PTPRF: variants seen among roughly 807,000 people sequenced by gnomAD.
The protein encoded by PTPRF is receptor-type tyrosine-protein phosphatase F.
In PTPRF, 59 loss-of-function variants were observed where a neutral mutation model predicts 201.8. That is an observed-to-expected ratio of 0.29 (90% CI 0.24 to 0.36). The LOEUF (loss-of-function observed/expected upper bound fraction) is 0.36. PTPRF is among the 10% of genes least tolerant of loss of function. The pLI, the probability that PTPRF is intolerant of heterozygous loss-of-function variation, is 1.00. For missense variants in PTPRF, 2,132 were observed against 2,690.5 expected (o/e 0.79, Z 4.59); for synonymous variants, 1,088 against 1,089.7 (o/e 1.00, Z 0.03).
chr1:43,577,430 C>T (rs964906655), intron 6 of PTPRF, among the ~76,000 whole-genome samples: 12 of 152,186 alleles, frequency 7.9e-5, no homozygotes, highest in African/African-American at 2.9e-4. Flanking sequence ...GCAGGCTGGT[C>T]CTGTGTCCTG....
rs1651142349 is a variant in PTPRF at position 43,592,661 on chromosome 1, G to A, written c.1813+60G>A. ...TGGGCTGGGACACACACACACACAT[G>A]CACACACATCCTTCCCCCTCGACCA... On this transcript the variant is annotated intron_variant, in intron 11 of 33. Coordinates refer to ENST00000359947, the MANE Select transcript of PTPRF (RefSeq NM_002840.5). 9 of 1,456,432 alleles carry A rather than the reference G, an allele frequency of 6.2e-6. No individual in the cohort carries two copies. In the African/African-American group the frequency reaches 1.3e-4, roughly 21 times the overall value. The allele number at this position is 1,456,432 out of a possible 1,614,324, so 90.2% of individuals were successfully genotyped here. A position where few individuals can be genotyped will look rare whatever the true frequency, so the allele number is the denominator to read the frequency against.
chr1:43,553,821 G>T lies in PTPRF; in HGVS notation c.259G>T (p.Ala87Ser). 3.7e-6 allele frequency: 6 copies of T among 1,614,188 alleles called. No individual in the cohort carries two copies. Among genetic ancestry groups the T allele is most frequent in the South Asian group, 1.1e-5 (1 of 91,070 alleles). The part of the protein sequence containing the change: ...RFEVIEFDDG[A>S]GSVLRIQPLR... ...ACAGGTCATTGAGTTTGATGATGGG[G>T]CAGGGTCAGTGCTTCGGATCCAGCC... Residue 87 changes from alanine to serine, a missense_variant, in exon 5 of 34, where the codon GCA (alanine) becomes TCA (serine). Ala to Ser is a moderately conservative substitution (Grantham distance 99, BLOSUM62 1). This residue lies in a region of PTPRF where 297 missense variants were observed against 454.0 expected (regional missense o/e 0.65). Transcript: ENST00000359947. The surrounding 1 kb of genome is among the most constrained non-coding windows in gnomAD (Gnocchi z 4.1).
intron 23 of PTPRF, among the ~76,000 whole-genome samples, chr1:43,616,635 G>A (rs144554373): frequency 1.3e-5 from 2 of 152,168 alleles, no homozygotes; most frequent in South Asian, 2.1e-4. Context: ...TGGCACTGAG[G>A]GGTGAGGGTG....
chr1:43,551,233 A>G (rs1203801898), intron 3 of PTPRF, among the ~76,000 whole-genome samples: 1 of 149,942 alleles, frequency 6.7e-6, no homozygotes, highest in South Asian at 2.1e-4. Context: ...CAGGTGGAGA[A>G]CCCTGAGCTG....
chr1:43,535,483 G>A (rs190752895), intron 1 of PTPRF, among the ~76,000 whole-genome samples: 1 of 152,226 alleles, frequency 6.6e-6, no homozygotes, highest in Admixed American at 6.5e-5. Flanking sequence ...GAGAACTCTG[G>A]TTTTAGCTCC....
At chr1:43,533,163 G>A (rs1030281506) in intron 1 of PTPRF, among the ~76,000 whole-genome samples, 2 of 151,850 alleles carry the variant, frequency 1.3e-5, no homozygotes, top group Non-Finnish European at 2.9e-5. Context: ...CAAGAAAATT[G>A]TTTTAACATA....
At position 43,591,187 on chromosome 1, in the gene PTPRF, G is replaced by A; in HGVS notation, c.1165G>A (p.Val389Met). ...CCCTTTCTCGGAATATGCCTTCCGC[G>A]TGCTGGCGGTGAACAGCATCGGGCG... Reference protein sequence around the residue: ...LSPFSEYAFRVLAVNSIGRGP... With the variant: ...LSPFSEYAFRMLAVNSIGRGP... The change falls in exon 9 of 34, where the codon GTG (valine) becomes ATG (methionine). Residue 389 changes from valine (V) to methionine (M), a missense_variant. By Grantham distance (21) the Val-to-Met change is conservative. This residue lies in a region of PTPRF where 351 missense variants were observed against 401.7 expected (regional missense o/e 0.87). Coordinates refer to ENST00000359947, the MANE Select transcript of PTPRF (RefSeq NM_002840.5). The A allele has an allele frequency of 1.2e-6, 2 of 1,610,902 alleles. No homozygotes were observed. Among genetic ancestry groups the A allele is most frequent in the Non-Finnish European group, 1.7e-6 (2 of 1,178,696 alleles).
upstream of PTPRF, among the ~76,000 whole-genome samples, chr1:43,526,670 T>A (rs1269001471): frequency 2.0e-5 from 3 of 152,080 alleles, no homozygotes; most frequent in Non-Finnish European, 1.5e-5. Context: ...CAGAAGAAAG[T>A]GGCTGCATGC....
At position 43,603,290 on chromosome 1, in the gene PTPRF, AC is replaced by A; in HGVS notation, c.2341-124del. 1 of 812,432 alleles carries A rather than the reference AC, an allele frequency of 1.2e-6. No individual in the cohort carries two copies. Among genetic ancestry groups the A allele is most frequent in the Non-Finnish European group, 2.1e-6 (1 of 485,328 alleles). 50.3% of individuals were successfully genotyped at this position (812,432 alleles called of 1,614,324 possible). On this transcript the variant is annotated intron_variant, in intron 14 of 33. Transcript: ENST00000359947. The surrounding 1 kb of genome is among the most constrained non-coding windows in gnomAD (Gnocchi z 5.8). The stretch of plus-strand genomic sequence containing the variant: ...GCAGAGGCCACCATTGTATAGCCCC[AC>A]CTTCCACAACCCCTGGCCTTGTGTG...
chr1:43,586,250 G>A (rs1016829873), intron 7 of PTPRF, among the ~76,000 whole-genome samples: 3 of 152,228 alleles, frequency 2.0e-5, no homozygotes, highest in Non-Finnish European at 4.4e-5. Flanking sequence ...CGAGAGGACA[G>A]GAGAGATTTA....
chr1:43,529,375 C>A (rs1415494402), upstream of PTPRF, among the ~76,000 whole-genome samples: 1 of 152,202 alleles, frequency 6.6e-6, no homozygotes, highest in Non-Finnish European at 1.5e-5. Context: ...TTACCAGAAC[C>A]TGATTCCTCA....
In PTPRF at chr1:43,602,914, G is replaced by A. The variant is rs565002308; in HGVS notation, c.2341-502G>A. Among the ~76,000 whole-genome samples, 5 of 152,300 alleles carry A rather than the reference G, an allele frequency of 3.3e-5. No individual in the cohort carries two copies. In the East Asian group the frequency reaches 7.7e-4, roughly 24 times the overall value. On this transcript the variant is annotated intron_variant, in intron 14 of 33. Transcript: ENST00000359947. Reference sequence around the variant, plus strand: ...CACAGAGTTAGTGGCCTATATGGGGGCAGCGGAGTCCTGACTGGGTCCTAT... The same window carrying A: ...CACAGAGTTAGTGGCCTATATGGGGACAGCGGAGTCCTGACTGGGTCCTAT...
chr1:43,541,582 A>G (rs1644365762), intron 2 of PTPRF, among the ~76,000 whole-genome samples: 1 of 152,224 alleles, frequency 6.6e-6, no homozygotes, highest in Non-Finnish European at 1.5e-5. Context: ...GGGGTTGGCA[A>G]TTTTTTATTT....
chr1:43,530,501 G>A (rs1643340614), upstream of PTPRF, among the ~76,000 whole-genome samples: 1 of 152,112 alleles, frequency 6.6e-6, no homozygotes, highest in Admixed American at 6.5e-5. The surrounding 1 kb of genome is among the most constrained non-coding windows in gnomAD (Gnocchi z 4.1). Context: ...GTGCTAATTT[G>A]GGGGCAGATT....
chr1:43,522,747 TG>T, upstream of PTPRF, among the ~76,000 whole-genome samples: 1 of 152,008 alleles, frequency 6.6e-6, no homozygotes, highest in Non-Finnish European at 1.5e-5. Context: ...AAATGCAGTA[TG>T]TTTGAGGAAT....
intron 5 of PTPRF, among the ~76,000 whole-genome samples, chr1:43,563,622 A>G (rs1251750740): frequency 6.6e-6 from 1 of 152,076 alleles, no homozygotes; most frequent in South Asian, 2.1e-4. Flanking sequence ...AAGGAGGAGG[A>G]GTGGTCAGCA....
In PTPRF at chr1:43,604,018, C is replaced by T; in HGVS notation, c.2866C>T (p.Arg956Ter). The part of the protein sequence containing the change: ...GRIISYTVVF[R>*]DINSQQELQN... ...CATCATCAGCTACACCGTGGTGTTC[C>T]GAGACATCAACAGCCAACAGGAGCT... The change falls in exon 16 of 34, where the codon CGA (arginine) becomes TGA (stop). Residue 956 changes from arginine (R) to a stop codon, truncating the protein, a stop_gained. Coordinates refer to ENST00000359947, the MANE Select transcript of PTPRF (RefSeq NM_002840.5). LOFTEE classifies it high-confidence loss of function. 6.2e-7 allele frequency: 1 copy of T among 1,614,216 alleles called. No individual in the cohort carries two copies. The highest frequency in any genetic ancestry group is 8.5e-7 in the Non-Finnish European group (1 of 1,180,048).
intron 5 of PTPRF, among the ~76,000 whole-genome samples, chr1:43,561,396 G>A (rs1557714100): frequency 1.3e-5 from 2 of 152,172 alleles, no homozygotes; most frequent in Non-Finnish European, 2.9e-5. Context: ...TTGATGGCTG[G>A]GGAGTTGGGT....
chr1:43,545,104 C>G lies in PTPRF; in HGVS notation c.29C>G (p.Thr10Arg), dbSNP rs376974470. The G allele has an allele frequency of 6.9e-6, 11 of 1,586,884 alleles. No individual in the cohort carries two copies. In the African/African-American group the frequency reaches 1.2e-4, roughly 17 times the overall value. ...GCCCCTGAGCCAGCCCCAGGGAGGA[C>G]GATGGTGCCCCTTGTGCCTGCACTG... MAPEPAPGR[T>R]MVPLVPALVM... The change falls in exon 3 of 34, where the codon ACG becomes AGG. Residue 10 changes from threonine (T) to arginine (R), a missense_variant. By Grantham distance (71) the Thr-to-Arg change is moderately conservative. This residue lies in a region of PTPRF where 297 missense variants were observed against 454.0 expected (regional missense o/e 0.65). Coordinates refer to ENST00000359947, the MANE Select transcript of PTPRF (RefSeq NM_002840.5).
Sources: allele counts gnomAD v4.1 joint callset (sites outside exome capture counted in the v4.1 genomes callset), GRCh38; gene constraint gnomAD v4.1.1; regional missense constraint gnomAD v4.1.1; non-coding constraint Gnocchi (gnomAD v3.1); transcripts MANE v1.5; gene names NCBI Gene and HGNC (gene_info 2026-07-23, HGNC 2026-07-21).